ASH1L: variants seen among roughly 807,000 people sequenced by gnomAD.
ASH1L encodes the protein ASH1 like histone lysine methyltransferase.
ASH1L carries 23 observed loss-of-function variants against 269.0 expected under a neutral mutation model. The observed-to-expected ratio is 0.09, with a 90% CI of 0.06 to 0.12. ASH1L has a LOEUF of 0.12. Ranked by LOEUF, ASH1L falls within the 10% of genes least tolerant of loss-of-function variation. ASH1L has a pLI of 1.00. For missense variants in ASH1L, 2,912 were observed against 3,567.8 expected, an observed-to-expected ratio of 0.82 and a Z score of 4.68; for synonymous variants, 1,187 against 1,253.5, an observed-to-expected ratio of 0.95 and a Z score of 1.12.
intron 6 of ASH1L, among the ~76,000 whole-genome samples, chr1:155,412,284 C>CT (rs1659874137): frequency 6.6e-6 from 1 of 151,884 alleles, no homozygotes. Flanking sequence ...TGACAGGTGC[C>CT]TGTAATCCCA....
intron 7 of ASH1L, among the ~76,000 whole-genome samples, chr1:155,391,753 G>C (rs1261114531): frequency 6.6e-6 from 1 of 152,054 alleles, no homozygotes; most frequent in African/African-American, 2.4e-5. Flanking sequence ...TCAAGAGTTT[G>C]AGACTAGCCT....
chr1:155,377,970 C>A (rs1656604352), intron 10 of ASH1L, among the ~76,000 whole-genome samples: 2 of 151,772 alleles, frequency 1.3e-5, no homozygotes, highest in Non-Finnish European at 2.9e-5. Context: ...TTGCAGTGAG[C>A]CGAGATCGCG....
chr1:155,377,354 A>C (rs1384673758), intron 10 of ASH1L, among the ~76,000 whole-genome samples: 1 of 152,072 alleles, frequency 6.6e-6, no homozygotes, highest in African/African-American at 2.4e-5. Flanking sequence ...CTTCCTCTTC[A>C]CTCTCACTGC....
At chr1:155,516,404 G>A (rs1234485753) in intron 2 of ASH1L, among the ~76,000 whole-genome samples, 3 of 152,062 alleles carry the variant, frequency 2.0e-5, no homozygotes, top group Non-Finnish European at 2.9e-5. Flanking sequence ...GTTGGCAGAC[G>A]ACACAGTTTT....
At chr1:155,432,387 ATCCAT>A (rs1661676509) in intron 5 of ASH1L, among the ~76,000 whole-genome samples, 1 of 152,226 alleles carries the variant, frequency 6.6e-6, no homozygotes, top group African/African-American at 2.4e-5. Context: ...GATGGTTAAA[ATCCAT>A]GAAGGTAGGA....
chr1:155,346,281 A>T (rs919655255), intron 21 of ASH1L, 102 bp downstream of exon 21: 21 of 1,552,530 alleles, frequency 1.4e-5, no homozygotes, highest in African/African-American at 4.1e-5. Context: ...AGGCTGAACA[A>T]CCTATTAAAG....
chr1:155,499,888 T>C (rs977952936), intron 2 of ASH1L, among the ~76,000 whole-genome samples: 4 of 152,158 alleles, frequency 2.6e-5, no homozygotes, highest in Admixed American at 2.6e-4. Flanking sequence ...ATGAGAAACA[T>C]TCACATTCAC....
chr1:155,496,976 A>G (rs2148782391), intron 2 of ASH1L, among the ~76,000 whole-genome samples: 1 of 151,960 alleles, frequency 6.6e-6, no homozygotes, highest in South Asian at 2.1e-4. Flanking sequence ...GGCGTCAGTG[A>G]TTTTCCGTCT....
intron 12 of ASH1L, among the ~76,000 whole-genome samples, chr1:155,361,518 CAAAAAAAAAAAAAAA>C (rs1161207568): frequency 2.2e-4 from 8 of 36,382 alleles, no homozygotes; most frequent in African/African-American, 7.8e-4. Context: ...CTCCATCTCA[CAAAAAAAAAAAAAAA>C]AAAAAAAAAA....
At chr1:155,409,824 A>G (rs1227604393) in intron 6 of ASH1L, among the ~76,000 whole-genome samples, 1 of 152,146 alleles carries the variant, frequency 6.6e-6, no homozygotes, top group Non-Finnish European at 1.5e-5. Flanking sequence ...AAAGAAATCC[A>G]AAATGAAGGG....
chr1:155,478,928 A>ATCT lies in ASH1L; in HGVS notation c.3939_3941dup (p.Arg1313_Asp1314insGlu). On this transcript the variant is annotated inframe_insertion, in exon 3 of 28. Transcript: ENST00000392403. This position sits in a 1 kb window ranked among gnomAD's most constrained non-coding sequence, Gnocchi z 4.6. Reference sequence around the variant, plus strand: ...TGATTCGAAAGATAGTTGGCAGAAGATCTCGGGGGATAAAATGATGACTTC... The same window carrying ATCT: ...TGATTCGAAAGATAGTTGGCAGAAGATCTTCTCGGGGGATAAAATGATGACTTC... 6.2e-7 allele frequency: 1 copy of ATCT among 1,613,912 alleles called. No homozygotes were observed. The highest frequency in any genetic ancestry group is 1.1e-5 in the South Asian group (1 of 91,070).
chr1:155,338,477 C>T, intron 26 of ASH1L, 87 bp from the exon 27 acceptor site: 1 of 1,263,454 alleles, frequency 7.9e-7, no homozygotes, highest in East Asian at 2.3e-5. Context: ...GGCTTGAGAT[C>T]CTGGAGTCCA....
chr1:155,461,690 C>T (rs1664311935), intron 3 of ASH1L, among the ~76,000 whole-genome samples: 1 of 151,886 alleles, frequency 6.6e-6, no homozygotes, highest in African/African-American at 2.4e-5. Flanking sequence ...TATTTCCTAC[C>T]CAACACATAG....
At chr1:155,516,612 G>A (rs928395714) in intron 2 of ASH1L, among the ~76,000 whole-genome samples, 4 of 152,116 alleles carry the variant, frequency 2.6e-5, no homozygotes, top group Middle Eastern at 6.8e-3. Context: ...GGGCAAAACA[G>A]CAAGACCCCA....
chr1:155,382,635 C>A (rs1299500342), intron 7 of ASH1L, among the ~76,000 whole-genome samples: 5 of 152,154 alleles, frequency 3.3e-5, no homozygotes, highest in Non-Finnish European at 7.4e-5. Context: ...CCCCTGAAGA[C>A]CTTTCAGTAG....
intron 24 of ASH1L, 82 bp from the exon 25 acceptor site, chr1:155,342,184 G>A: frequency 7.4e-7 from 1 of 1,353,354 alleles, no homozygotes; most frequent in Non-Finnish European, 1.0e-6. Context: ...CACACCAATG[G>A]GAGAGCAGCT....
intron 2 of ASH1L, among the ~76,000 whole-genome samples, chr1:155,515,302 C>T (rs912379792): frequency 9.2e-5 from 14 of 152,192 alleles, no homozygotes; most frequent in Non-Finnish European, 1.5e-4. Flanking sequence ...ACCGACCTCT[C>T]GTCAACCAGC....
chr1:155,500,355 C>T (rs948789904), intron 2 of ASH1L, among the ~76,000 whole-genome samples: 2 of 152,178 alleles, frequency 1.3e-5, no homozygotes, highest in Non-Finnish European at 2.9e-5. Flanking sequence ...CTCTTCTCTA[C>T]CATAAAAATA....
intron 5 of ASH1L, among the ~76,000 whole-genome samples, chr1:155,426,697 T>C (rs1661186210): frequency 6.6e-6 from 1 of 152,232 alleles, no homozygotes; most frequent in Non-Finnish European, 1.5e-5. Flanking sequence ...TATCCGTTCA[T>C]GACATACTTT....
Sources: gnomAD v4.1 joint callset for allele counts (sites outside exome capture counted in the v4.1 genomes callset) on GRCh38, gnomAD v4.1.1 for gene constraint, Gnocchi (gnomAD v3.1) non-coding constraint, MANE v1.5 for transcripts, NCBI Gene and HGNC (gene_info 2026-07-23, HGNC 2026-07-21) for gene names.